PSD3: variants seen among roughly 807,000 people sequenced by gnomAD.
PSD3 encodes PH and SEC7 domain-containing protein 3.
Under a neutral mutation model 105.5 loss-of-function variants are expected in PSD3, and 49 were observed. The observed-to-expected ratio is 0.46, with a 90% CI of 0.37 to 0.59. The LOEUF (loss-of-function observed/expected upper bound fraction) is 0.59, where lower values mean the gene tolerates loss of function less well. Among genes scored for constraint, PSD3 ranks in the 20% least tolerant of loss-of-function variants. PSD3 has a pLI of 0.00. For synonymous variants in PSD3, 557 were observed against 457.8 expected (o/e 1.22, Z -2.77); for missense variants, 1,561 against 1,263.8 (o/e 1.24, Z -3.57).
intron 12 of PSD3, among the ~76,000 whole-genome samples, chr8:18,598,780 C>G (rs953795151): frequency 2.0e-5 from 3 of 151,912 alleles, no homozygotes; most frequent in Non-Finnish European, 2.9e-5. Context: ...ATGAATAATA[C>G]CATTTACAAC....
chr8:18,657,712 T>A (rs1477841008), intron 9 of PSD3, among the ~76,000 whole-genome samples: 2 of 152,188 alleles, frequency 1.3e-5, no homozygotes, highest in Non-Finnish European at 2.9e-5. Context: ...AAACGCCTTT[T>A]AAATGAATTA....
chr8:18,791,579 C>A (rs187721636), intron 8 of PSD3, among the ~76,000 whole-genome samples: 1 of 152,114 alleles, frequency 6.6e-6, no homozygotes, highest in Non-Finnish European at 1.5e-5. Context: ...AAAATCGACT[C>A]AAGATGGATT....
At chr8:18,675,477 TGGG>T (rs1186976912) in intron 9 of PSD3, among the ~76,000 whole-genome samples, 3 of 152,226 alleles carry the variant, frequency 2.0e-5, no homozygotes, top group Admixed American at 6.5e-5. Flanking sequence ...TCCAGTGCCT[TGGG>T]GGGCATTTCA....
intron 8 of PSD3, among the ~76,000 whole-genome samples, chr8:18,786,190 C>T (rs556579440): frequency 2.0e-5 from 3 of 152,056 alleles, no homozygotes; most frequent in African/African-American, 4.8e-5. Flanking sequence ...GGTGACACAG[C>T]GAGACTCCGT....
intron 12 of PSD3, among the ~76,000 whole-genome samples, chr8:18,593,436 A>G (rs1173585758): frequency 6.6e-6 from 1 of 152,190 alleles, no homozygotes; most frequent in South Asian, 2.1e-4. Context: ...ATCATCTCAC[A>G]CCAGTTAGAA....
intron 2 of PSD3, among the ~76,000 whole-genome samples, chr8:18,923,644 T>C (rs969613751): frequency 1.3e-5 from 2 of 152,316 alleles, no homozygotes; most frequent in African/African-American, 4.8e-5. Flanking sequence ...GGCTAAGCCA[T>C]AGAGCCTAGG....
At chr8:19,056,373 G>A (rs1236766271) in intron 1 of PSD3, among the ~76,000 whole-genome samples, 1 of 152,166 alleles carries the variant, frequency 6.6e-6, no homozygotes, top group African/African-American at 2.4e-5. Flanking sequence ...TCTTGGAACT[G>A]TTCCTTTCAG....
At chr8:18,832,858 T>C (rs1450754728) in intron 4 of PSD3, among the ~76,000 whole-genome samples, 1 of 152,118 alleles carries the variant, frequency 6.6e-6, no homozygotes, top group Non-Finnish European at 1.5e-5. Context: ...TAGAACAGCA[T>C]AGCTCCCATG....
chr8:18,790,504 A>T (rs370180806), intron 8 of PSD3, among the ~76,000 whole-genome samples: 1 of 151,840 alleles, frequency 6.6e-6, no homozygotes, highest in Non-Finnish European at 1.5e-5. Context: ...GGGTTTCACC[A>T]TGTTAGCCAG....
chr8:18,643,760 TG>T (rs1228197091), intron 10 of PSD3, among the ~76,000 whole-genome samples: 3 of 152,260 alleles, frequency 2.0e-5, no homozygotes, highest in Non-Finnish European at 2.9e-5. Flanking sequence ...ATGACTTCAC[TG>T]GGCTTAGACG....
intron 1 of PSD3, among the ~76,000 whole-genome samples, chr8:18,970,091 C>CG (rs1411402833): frequency 6.6e-6 from 1 of 151,368 alleles, no homozygotes; most frequent in Non-Finnish European, 1.5e-5. Flanking sequence ...TTTGGGAGGC[C>CG]AAGTTGGGCG....
chr8:18,779,699 G>T (rs947703503), intron 8 of PSD3, among the ~76,000 whole-genome samples: 1 of 152,008 alleles, frequency 6.6e-6, no homozygotes, highest in Non-Finnish European at 1.5e-5. Flanking sequence ...ATCCAGTGAT[G>T]GCTCATAATT....
chr8:18,691,572 C>G (rs956483245), intron 9 of PSD3, among the ~76,000 whole-genome samples: 1 of 152,212 alleles, frequency 6.6e-6, no homozygotes, highest in South Asian at 2.1e-4. Flanking sequence ...ACACAAAATG[C>G]AAATACAGAA....
chr8:18,823,732 A>T (rs189056652), intron 4 of PSD3, among the ~76,000 whole-genome samples: 130 of 151,320 alleles, frequency 8.6e-4, no homozygotes, highest in Non-Finnish European at 4.0e-4. Context: ...AGGACACCAT[A>T]CCTCCTCTCT....
intron 15 of PSD3, among the ~76,000 whole-genome samples, chr8:18,553,128 T>A (rs1563315087): frequency 6.6e-6 from 1 of 152,212 alleles, no homozygotes; most frequent in Non-Finnish European, 1.5e-5. Flanking sequence ...ACTCCTGGTG[T>A]TATTACTAAC....
At chr8:18,998,819 C>T (rs1007413105) in intron 1 of PSD3, among the ~76,000 whole-genome samples, 4 of 67,198 alleles carry the variant, frequency 6.0e-5, no homozygotes, top group Non-Finnish European at 1.1e-4. Context: ...AAGTACAAAG[C>T]ACTTTATAGT....
intron 1 of PSD3, among the ~76,000 whole-genome samples, chr8:19,008,489 A>G (rs980891917): frequency 6.6e-6 from 1 of 152,172 alleles, no homozygotes; most frequent in East Asian, 1.9e-4. Context: ...TCTTATACCT[A>G]AATTTCCACT....
At chr8:18,940,817 A>G (rs993546617) in intron 1 of PSD3, among the ~76,000 whole-genome samples, 3 of 152,042 alleles carry the variant, frequency 2.0e-5, no homozygotes, top group African/African-American at 7.3e-5. Flanking sequence ...TGGCATGGAG[A>G]TCTATCCGTC....
At chr8:18,953,477 G>A (rs1434330214) in intron 1 of PSD3, among the ~76,000 whole-genome samples, 1 of 152,184 alleles carries the variant, frequency 6.6e-6, no homozygotes, top group Non-Finnish European at 1.5e-5. Flanking sequence ...GGCCGGGTGT[G>A]GTGGCTCACG....
Sources: gnomAD v4.1 joint callset for allele counts (sites outside exome capture counted in the v4.1 genomes callset) on GRCh38, gnomAD v4.1.1 for gene constraint, MANE v1.5 for transcripts, NCBI Gene and HGNC (gene_info 2026-07-23, HGNC 2026-07-21) for gene names.